DLG2: variants seen among roughly 807,000 people sequenced by gnomAD.
The protein encoded by DLG2 is disks large homolog 2.
In DLG2, 45 loss-of-function variants were observed where a neutral mutation model predicts 132.5. That is an observed-to-expected ratio of 0.34 (90% CI 0.27 to 0.44). The LOEUF (loss-of-function observed/expected upper bound fraction) is 0.44, where lower values mean the gene tolerates loss of function less well. Ranked by LOEUF, DLG2 falls within the 20% of genes least tolerant of loss-of-function variation. The pLI is 1.00. For missense variants in DLG2, 1,045 were observed against 1,196.9 expected, an observed-to-expected ratio of 0.87 and a Z score of 1.87; for synonymous variants, 424 against 419.6, an observed-to-expected ratio of 1.01 and a Z score of -0.13.
At chr11:84,311,851 G>A (rs551386899) in intron 7 of DLG2, among the ~76,000 whole-genome samples, 4 of 152,244 alleles carry the variant, frequency 2.6e-5, no homozygotes, top group Non-Finnish European at 4.4e-5. Flanking sequence ...GCACCAAGGT[G>A]TTACATGCTT....
intron 6 of DLG2, among the ~76,000 whole-genome samples, chr11:85,075,735 T>C (rs1170409710): frequency 6.6e-6 from 1 of 151,892 alleles, no homozygotes; most frequent in Non-Finnish European, 1.5e-5. Flanking sequence ...GGTATGTGCA[T>C]ACACTCTTAC....
chr11:83,923,751 A>C (rs117513447), intron 15 of DLG2, among the ~76,000 whole-genome samples: 1 of 152,024 alleles, frequency 6.6e-6, no homozygotes, highest in Non-Finnish European at 1.5e-5. Context: ...TCAGTTCTTC[A>C]TTATTTCAAC....
chr11:85,197,132 C>G (rs763102880), intron 4 of DLG2, among the ~76,000 whole-genome samples: 5 of 152,168 alleles, frequency 3.3e-5, no homozygotes, highest in Non-Finnish European at 7.4e-5. Context: ...TGCTAGGCCT[C>G]TATACAATCA....
At chr11:84,346,265 G>C (rs1240256322) in intron 7 of DLG2, among the ~76,000 whole-genome samples, 8 of 152,120 alleles carry the variant, frequency 5.3e-5, no homozygotes, top group African/African-American at 1.9e-4. Flanking sequence ...CTGTATTAGA[G>C]AGTATTTCAT....
intron 21 of DLG2, among the ~76,000 whole-genome samples, chr11:83,525,326 G>A (rs2095579920): frequency 6.6e-6 from 1 of 152,184 alleles, no homozygotes; most frequent in Non-Finnish European, 1.5e-5. Flanking sequence ...GTTCTCAGTG[G>A]ACAAGGGAAC....
intron 3 of DLG2, among the ~76,000 whole-genome samples, chr11:85,324,926 G>A (rs902952197): frequency 2.0e-5 from 3 of 148,164 alleles, no homozygotes; most frequent in East Asian, 2.0e-4. Context: ...CACCGTGCGC[G>A]AGCCGAAGCA....
intron 21 of DLG2, among the ~76,000 whole-genome samples, chr11:83,490,119 C>T (rs1199998278): frequency 6.6e-6 from 1 of 151,918 alleles, no homozygotes; most frequent in East Asian, 1.9e-4. Context: ...AGAGAAATGG[C>T]TCATTCCAAG....
At chr11:85,091,569 A>C (rs1307818849) in intron 6 of DLG2, among the ~76,000 whole-genome samples, 1 of 152,218 alleles carries the variant, frequency 6.6e-6, no homozygotes, top group South Asian at 2.1e-4. Context: ...TGGGAATTGG[A>C]GTCAATCCTC....
chr11:83,503,900 T>C (rs1020781584), intron 21 of DLG2, among the ~76,000 whole-genome samples: 1 of 152,162 alleles, frequency 6.6e-6, no homozygotes, highest in Non-Finnish European at 1.5e-5. Flanking sequence ...TGAGATTATA[T>C]ATAATCTTCA....
intron 11 of DLG2, among the ~76,000 whole-genome samples, chr11:84,004,936 T>A (rs1315342183): frequency 1.2e-5 from 1 of 83,836 alleles, no homozygotes; most frequent in African/African-American, 4.1e-5. Context: ...ATTCTAAAAT[T>A]TATATAGAAT....
intron 19 of DLG2, among the ~76,000 whole-genome samples, chr11:83,600,418 G>T (rs1368698153): frequency 6.6e-6 from 1 of 152,032 alleles, no homozygotes; most frequent in African/African-American, 2.4e-5. Flanking sequence ...ACAACTTAAA[G>T]TCCATTCCTG....
Position 84,535,901 on chromosome 11 carries a change from C to T in DLG2, c.358-1170G>A, listed in dbSNP as rs189891221. 1.9e-3 allele frequency among the ~76,000 whole-genome samples: 288 copies of T among 151,126 alleles called. 2 individuals are homozygous for T. Among genetic ancestry groups the T allele is most frequent in the African/African-American group, 6.4e-3 (263 of 40,872 alleles). ...TCACAGGCTTAATTGTGATGTCTAA[C>T]TTCTTCCCAGTGTCCCATTATTGTT... On this transcript the variant is annotated intron_variant, in intron 6 of 27. Coordinates refer to ENST00000376104, the MANE Select transcript of DLG2 (RefSeq NM_001142699.3).
At chr11:83,947,857 C>T (rs2084440171) in intron 14 of DLG2, among the ~76,000 whole-genome samples, 1 of 152,132 alleles carries the variant, frequency 6.6e-6, no homozygotes, top group African/African-American at 2.4e-5. Flanking sequence ...CTGAGTTTGT[C>T]ACTTACTTTC....
intron 18 of DLG2, among the ~76,000 whole-genome samples, chr11:83,733,612 T>C (rs961886371): frequency 2.6e-5 from 4 of 152,214 alleles, no homozygotes; most frequent in African/African-American, 9.6e-5. Flanking sequence ...TGCTCAAATA[T>C]TGGAGGACTG....
chr11:83,768,889 G>C (rs540504732), intron 18 of DLG2, among the ~76,000 whole-genome samples: 93 of 152,290 alleles, frequency 6.1e-4, no homozygotes, highest in African/African-American at 2.1e-3. Flanking sequence ...GTTTCAAATG[G>C]ACACCAGAGT....
At chr11:84,597,911 C>A (rs2099567636) in intron 6 of DLG2, among the ~76,000 whole-genome samples, 1 of 152,118 alleles carries the variant, frequency 6.6e-6, no homozygotes, top group South Asian at 2.1e-4. Context: ...ATTACAGGAA[C>A]AAGGACAGGT....
At chr11:85,485,914 G>A (rs1289453752) in intron 3 of DLG2, among the ~76,000 whole-genome samples, 1 of 152,168 alleles carries the variant, frequency 6.6e-6, no homozygotes, top group Admixed American at 6.5e-5. Context: ...CAGTGCAGCT[G>A]CCACCACTAG....
At chr11:84,718,892 G>C (rs1183846087) in intron 6 of DLG2, among the ~76,000 whole-genome samples, 2 of 152,158 alleles carry the variant, frequency 1.3e-5, no homozygotes, top group Non-Finnish European at 2.9e-5. Context: ...GGAACAACAA[G>C]CTACTCTTTA....
At chr11:84,217,638 G>A (rs549601713) in intron 8 of DLG2, among the ~76,000 whole-genome samples, 1 of 152,326 alleles carries the variant, frequency 6.6e-6, no homozygotes, top group African/African-American at 2.4e-5. Context: ...GGGGAGAAGG[G>A]ATTATGTGGT....
Sources: gnomAD v4.1 joint callset for allele counts (sites outside exome capture counted in the v4.1 genomes callset) on GRCh38, gnomAD v4.1.1 for gene constraint, MANE v1.5 for transcripts, NCBI Gene and HGNC (gene_info 2026-07-23, HGNC 2026-07-21) for gene names.